RIPK1: variants seen among roughly 807,000 people sequenced by gnomAD.
The protein encoded by RIPK1 is receptor-interacting serine/threonine-protein kinase 1.
Under a neutral mutation model 62.4 loss-of-function variants are expected in RIPK1, and 27 were observed. The ratio of observed to expected loss-of-function variants is 0.43; its 90% CI spans 0.32 to 0.60. The LOEUF is 0.60. Ranked by LOEUF, RIPK1 falls within the 20% of genes least tolerant of loss-of-function variation. RIPK1 has a pLI of 0.07. For synonymous variants in RIPK1, 287 were observed against 303.2 expected (o/e 0.95, Z 0.55); for missense variants, 735 against 831.0 (o/e 0.88, Z 1.42).
At chr6:3,071,015 T>C (rs1025931486) in intron 1 of RIPK1, among the ~76,000 whole-genome samples, 21 of 152,264 alleles carry the variant, frequency 1.4e-4, no homozygotes, top group African/African-American at 4.6e-4. Context: ...TAAAATTTGC[T>C]TCAGGGGTTA....
In RIPK1 at chr6:3,114,829, C is replaced by T. The variant is rs1761330734; in HGVS notation, c.*1490C>T. On this transcript the variant is annotated 3_prime_UTR_variant, in exon 11 of 11. Coordinates refer to ENST00000259808, the MANE Select transcript of RIPK1 (RefSeq NM_001354930.2). This position sits in a 1 kb window ranked among gnomAD's most constrained non-coding sequence, Gnocchi z 5.0. ...CCAGGGGCACTGTTCTCCCCAGCCCCCCGCCCCAGTTGTGACAATAGTCTC... is the reference window on the plus strand; with the variant it reads ...CCAGGGGCACTGTTCTCCCCAGCCCTCCGCCCCAGTTGTGACAATAGTCTC... 6.6e-6 allele frequency: 1 copy of T among 151,906 alleles called. No homozygotes were observed. The highest frequency in any genetic ancestry group is 2.4e-5 in the African/African-American group (1 of 41,212). The allele number at this position is 151,906 out of a possible 1,614,324, so 9.4% of individuals were successfully genotyped here.
chr6:3,089,528 T>C, intron 6 of RIPK1, 53 bp from the exon 7 acceptor site: 2 of 893,116 alleles, frequency 2.2e-6, no homozygotes, highest in Non-Finnish European at 3.6e-6. Flanking sequence ...CTAATATTTT[T>C]ATTTTATGTT....
chr6:3,072,307 A>G lies in RIPK1; in HGVS notation c.-61+3646A>G, dbSNP rs956336138. Among the ~76,000 whole-genome samples the G allele has an allele frequency of 5.3e-5, 8 of 152,328 alleles. No individual in the cohort carries two copies. The South Asian group carries it at 1.4e-3, about 28-fold the overall frequency. On this transcript the variant is annotated intron_variant, in intron 1 of 10. Transcript: ENST00000259808. The surrounding 1 kb of genome is among the most constrained non-coding windows in gnomAD (Gnocchi z 5.6). ...AAGTGTAAAGAAGAAAGTAAAAATC[A>G]ACCTATCATCAAGATACAATCCTTG... is the stretch of plus-strand genomic sequence containing the variant.
In RIPK1 at chr6:3,105,416, C is replaced by T; in HGVS notation, c.1007-66C>T. 1 of 1,276,856 alleles carries T rather than the reference C, an allele frequency of 7.8e-7. No individual in the cohort carries two copies. The highest frequency in any genetic ancestry group is 1.5e-5 in the South Asian group (1 of 66,986). 79.1% of individuals were successfully genotyped at this position (1,276,856 alleles called of 1,614,324 possible). A position where few individuals can be genotyped will look rare whatever the true frequency, so the allele number is the denominator to read the frequency against. On this transcript the variant is annotated intron_variant, in intron 8 of 10. Transcript: ENST00000259808. The surrounding 1 kb of genome is among the most constrained non-coding windows in gnomAD (Gnocchi z 4.5). The stretch of plus-strand genomic sequence containing the variant: ...TTTGAGATACAGATTCATGACGGCG[C>T]TCAGATTTTATTTTACTTTTTAATG...
Position 3,105,618 on chromosome 6 carries a change from A to G in RIPK1, c.1143A>G (p.Glu381=), listed in dbSNP as rs1207960436. 6.2e-7 allele frequency: 1 copy of G among 1,614,128 alleles called. No individual in the cohort carries two copies. ...GCCTGCAGAGTAAACTCCAAGACGA[A>G]GCCAACTACCATCTTTATGGCAGCC... ...EPSLQSKLQD[E]ANYHLYGSRM... is the part of the protein sequence containing the mutation. The change falls in exon 9 of 11, where the codon GAA becomes GAG. Residue 381 remains glutamate (E), a synonymous_variant. Transcript: ENST00000259808. The surrounding 1 kb of genome is among the most constrained non-coding windows in gnomAD (Gnocchi z 4.5).
In RIPK1 at chr6:3,072,572, T is replaced by C. The variant is rs920037479; in HGVS notation, c.-61+3911T>C. 6.6e-6 allele frequency among the ~76,000 whole-genome samples: 1 copy of C among 152,162 alleles called. No homozygotes were observed. Among genetic ancestry groups the C allele is most frequent in the African/African-American group, 2.4e-5 (1 of 41,438 alleles). On this transcript the variant is annotated intron_variant, in intron 1 of 10. Transcript: ENST00000259808. This position sits in a 1 kb window ranked among gnomAD's most constrained non-coding sequence, Gnocchi z 5.6. The stretch of plus-strand genomic sequence containing the variant: ...TTCTCTTTTTAAAATAGTTATTCAA[T>C]TGATGATGGGCCGGCATACGTTGGG...
chr6:3,101,868 C>T (rs938631654), intron 7 of RIPK1, among the ~76,000 whole-genome samples: 17 of 152,104 alleles, frequency 1.1e-4, no homozygotes, highest in African/African-American at 2.9e-4. Flanking sequence ...TAATGTTGTG[C>T]GGCCATTACC....
intron 6 of RIPK1, among the ~76,000 whole-genome samples, chr6:3,089,254 A>G (rs1477119090): frequency 6.6e-6 from 1 of 152,186 alleles, no homozygotes; most frequent in African/African-American, 2.4e-5. Flanking sequence ...GAACAGAAAC[A>G]TGGAGTTCGC....
intron 6 of RIPK1, among the ~76,000 whole-genome samples, chr6:3,087,396 G>C (rs189740298): frequency 9.3e-5 from 14 of 150,578 alleles, no homozygotes; most frequent in African/African-American, 3.5e-4. Context: ...TAGTCCCACA[G>C]GTCCCTGAGG....
chr6:3,105,917 C>T lies in RIPK1; in HGVS notation c.1442C>T (p.Pro481Leu), dbSNP rs1760825705. 1 of 1,613,966 alleles carries T rather than the reference C, an allele frequency of 6.2e-7. No individual in the cohort carries two copies. Among genetic ancestry groups the T allele is most frequent in the Admixed American group, 1.7e-5 (1 of 59,986 alleles). ...GGCTTTGGAACAAGACCACTGGATCCAGGAACAGCAGGTCCCAGAGTTTGG... is the reference window on the plus strand; with the variant it reads ...GGCTTTGGAACAAGACCACTGGATCTAGGAACAGCAGGTCCCAGAGTTTGG... ...SHGFGTRPLD[P>L]GTAGPRVWYR... The change falls in exon 9 of 11, where the codon CCA becomes CTA. Residue 481 changes from proline (P) to leucine (L), a missense_variant. Transcript: ENST00000259808. The surrounding 1 kb of genome is among the most constrained non-coding windows in gnomAD (Gnocchi z 4.5).
chr6:3,080,878 CCTT>C (rs1759341098), intron 3 of RIPK1, 98 bp from the exon 4 acceptor site: 2 of 1,131,824 alleles, frequency 1.8e-6, no homozygotes, highest in Admixed American at 2.2e-5. Flanking sequence ...AACCTGGTAA[CCTT>C]CTCCTCAGGC....
chr6:3,094,096 C>CTAGTAACTGCAGAGT (rs1197120917), intron 7 of RIPK1, among the ~76,000 whole-genome samples: 1 of 141,550 alleles, frequency 7.1e-6, no homozygotes, highest in Non-Finnish European at 1.5e-5. Flanking sequence ...CCTCCTGCAC[C>CTAGTAACTGCAGAGT]TAGTAACTGC....
At chr6:3,076,498 C>T (rs994725887) in intron 1 of RIPK1, among the ~76,000 whole-genome samples, 7 of 151,270 alleles carry the variant, frequency 4.6e-5, no homozygotes, top group South Asian at 2.1e-4. Flanking sequence ...TGAGATCCCC[C>T]GGCCCCCCCA....
chr6:3,103,617 T>C (rs557801028), intron 7 of RIPK1, among the ~76,000 whole-genome samples: 1 of 152,308 alleles, frequency 6.6e-6, no homozygotes, highest in African/African-American at 2.4e-5. Flanking sequence ...ATAGTATCCT[T>C]TGATGCACAG....
chr6:3,113,469 C>G lies in RIPK1; in HGVS notation c.*130C>G. The G allele has an allele frequency of 1.2e-6, 1 of 811,802 alleles. No homozygotes were observed. The highest frequency in any genetic ancestry group is 1.9e-6 in the Non-Finnish European group (1 of 526,766). The allele number at this position is 811,802 out of a possible 1,614,324, so 50.3% of individuals were successfully genotyped here. A position where few individuals can be genotyped will look rare whatever the true frequency, so the allele number is the denominator to read the frequency against. On this transcript the variant is annotated 3_prime_UTR_variant, in exon 11 of 11. Transcript: ENST00000259808. This position sits in a 1 kb window ranked among gnomAD's most constrained non-coding sequence, Gnocchi z 5.0. ...TTCTGTGTCTGCAGAAATTTTGTTT[C>G]CTGTACTTCATAGCTGGAGAATGGG...
chr6:3,073,569 C>T (rs1258944019), intron 1 of RIPK1, among the ~76,000 whole-genome samples: 1 of 152,124 alleles, frequency 6.6e-6, no homozygotes, highest in Admixed American at 6.5e-5. Context: ...CCTCCACCCA[C>T]TGCCCACGTC....
chr6:3,078,578 T>C (rs529637720), intron 3 of RIPK1, among the ~76,000 whole-genome samples: 1 of 152,328 alleles, frequency 6.6e-6, no homozygotes, highest in East Asian at 1.9e-4. Flanking sequence ...AGTATATGCA[T>C]GATGGGATGA....
chr6:3,094,372 A>T (rs943532225), intron 7 of RIPK1, among the ~76,000 whole-genome samples: 6 of 152,234 alleles, frequency 3.9e-5, no homozygotes, highest in African/African-American at 1.4e-4. Context: ...ATTATGTTCA[A>T]AATTAATTTT....
In RIPK1 at chr6:3,072,542, A is replaced by T. The variant is rs1015423240; in HGVS notation, c.-61+3881A>T. Reference sequence around the variant, plus strand: ...TTATTTTTATTTTTTTGGACAATTAAATAGTTCTCTTTTTAAAATAGTTAT... The same window carrying T: ...TTATTTTTATTTTTTTGGACAATTATATAGTTCTCTTTTTAAAATAGTTAT... On this transcript the variant is annotated intron_variant, in intron 1 of 10. Transcript: ENST00000259808. The surrounding 1 kb of genome is among the most constrained non-coding windows in gnomAD (Gnocchi z 5.6). 7.2e-5 allele frequency among the ~76,000 whole-genome samples: 11 copies of T among 152,062 alleles called. No individual in the cohort carries two copies. Among genetic ancestry groups the T allele is most frequent in the African/African-American group, 2.7e-4 (11 of 41,400 alleles).
Sources: gnomAD v4.1 joint callset for allele counts (sites outside exome capture counted in the v4.1 genomes callset) on GRCh38, gnomAD v4.1.1 for gene constraint, Gnocchi (gnomAD v3.1) non-coding constraint, MANE v1.5 for transcripts, NCBI Gene and HGNC (gene_info 2026-07-23, HGNC 2026-07-21) for gene names.